PTPRD: variants seen among roughly 807,000 people sequenced by gnomAD.
PTPRD encodes receptor-type tyrosine-protein phosphatase delta.
A neutral mutation model predicts 214.5 loss-of-function variants in PTPRD; 34 were observed. The observed-to-expected ratio is 0.16, with a 90% CI of 0.12 to 0.21. PTPRD has a LOEUF of 0.21. Ranked by LOEUF, PTPRD falls within the 10% of genes least tolerant of loss-of-function variation. PTPRD has a pLI of 1.00. For missense variants in PTPRD, 2,545 were observed against 2,398.7 expected (o/e 1.06, Z -1.27); for synonymous variants, 1,128 against 845.7 (o/e 1.33, Z -5.79).
intron 11 of PTPRD, among the ~76,000 whole-genome samples, chr9:8,993,481 T>G (rs972325790): frequency 2.0e-5 from 3 of 152,178 alleles, no homozygotes; most frequent in Admixed American, 6.6e-5. Flanking sequence ...AAAATTTGTT[T>G]GTTTCTACTT....
At chr9:8,876,265 C>A (rs1162465638) in intron 11 of PTPRD, among the ~76,000 whole-genome samples, 4 of 151,778 alleles carry the variant, frequency 2.6e-5, no homozygotes, top group Non-Finnish European at 5.9e-5. Flanking sequence ...TGAGACATAG[C>A]TGTAAAAATT....
intron 39 of PTPRD, among the ~76,000 whole-genome samples, chr9:8,354,468 A>T (rs1209701855): frequency 6.6e-6 from 1 of 152,256 alleles, no homozygotes; most frequent in African/African-American, 2.4e-5. Context: ...ATGGCTATCC[A>T]CATAACTGAA....
At chr9:8,519,016 C>A (rs140639265) in intron 20 of PTPRD, among the ~76,000 whole-genome samples, 1 of 151,946 alleles carries the variant, frequency 6.6e-6, no homozygotes, top group African/African-American at 2.4e-5. Flanking sequence ...AATTAAATTG[C>A]GATGAAACAA....
At chr9:9,211,459 T>TG (rs1423225293) in intron 9 of PTPRD, among the ~76,000 whole-genome samples, 27 of 151,722 alleles carry the variant, frequency 1.8e-4, no homozygotes, top group Admixed American at 1.8e-3. Flanking sequence ...CTTTCATCAC[T>TG]GGTTTTCCTT....
intron 8 of PTPRD, among the ~76,000 whole-genome samples, chr9:9,484,828 G>A (rs1258240288): frequency 6.6e-6 from 1 of 152,024 alleles, no homozygotes; most frequent in South Asian, 2.1e-4. Context: ...TTCCTATTAG[G>A]TCTCTATATA....
chr9:9,436,798 G>A (rs1273822153), intron 8 of PTPRD, among the ~76,000 whole-genome samples: 1 of 151,846 alleles, frequency 6.6e-6, no homozygotes, highest in Non-Finnish European at 1.5e-5. Context: ...AAGCAAATCT[G>A]TACCGCAGAA....
intron 3 of PTPRD, among the ~76,000 whole-genome samples, chr9:10,063,359 T>C (rs1306582894): frequency 1.3e-5 from 2 of 152,046 alleles, no homozygotes; most frequent in Admixed American, 6.6e-5. Context: ...CAGTTGTCAA[T>C]ATCAAATTGG....
At chr9:9,515,228 G>A (rs1569568938) in intron 8 of PTPRD, among the ~76,000 whole-genome samples, 1 of 151,984 alleles carries the variant, frequency 6.6e-6, no homozygotes, top group East Asian at 1.9e-4. Context: ...ATGAGTGTCT[G>A]CCTCCGCACA....
intron 8 of PTPRD, among the ~76,000 whole-genome samples, chr9:9,522,999 G>T (rs12349324): frequency 0.024 from 3,651 of 152,130 alleles, 62 homozygotes; most frequent in Non-Finnish European, 0.039. Flanking sequence ...GTATATAGCA[G>T]AAAACAACAC....
chr9:9,339,817 C>G (rs903256708), intron 9 of PTPRD, among the ~76,000 whole-genome samples: 2 of 152,074 alleles, frequency 1.3e-5, no homozygotes, highest in African/African-American at 4.8e-5. Flanking sequence ...AGCAATGGAA[C>G]ATCATGGAAG....
intron 10 of PTPRD, among the ~76,000 whole-genome samples, chr9:9,058,029 G>C (rs641509): frequency 0.97 from 147,847 of 152,314 alleles, 71,911 homozygotes; most frequent in Middle Eastern, 1. Context: ...CTATTGTTTA[G>C]AAAGGCAATT....
chr9:10,222,728 A>G (rs2099575354), intron 3 of PTPRD, among the ~76,000 whole-genome samples: 1 of 152,068 alleles, frequency 6.6e-6, no homozygotes, highest in Non-Finnish European at 1.5e-5. Flanking sequence ...TGGTCAAATG[A>G]CTATGCAATT....
chr9:9,194,339 T>C (rs914095582), intron 9 of PTPRD, among the ~76,000 whole-genome samples: 8 of 152,224 alleles, frequency 5.3e-5, no homozygotes, highest in African/African-American at 1.9e-4. Flanking sequence ...AAGTATAGCA[T>C]AGTTAATACA....
At chr9:9,977,651 C>T (rs1306882018) in intron 4 of PTPRD, among the ~76,000 whole-genome samples, 3 of 151,878 alleles carry the variant, frequency 2.0e-5, no homozygotes, top group East Asian at 1.9e-4. Context: ...GTACGACTGA[C>T]GAGGACATAT....
chr9:9,013,815 C>T (rs1218853886), intron 11 of PTPRD, among the ~76,000 whole-genome samples: 1 of 152,132 alleles, frequency 6.6e-6, no homozygotes, highest in African/African-American at 2.4e-5. Flanking sequence ...TGGTTTAATC[C>T]TTGGAGTCCC....
chr9:9,744,066 G>A (rs1193825646), intron 6 of PTPRD, among the ~76,000 whole-genome samples: 6 of 152,092 alleles, frequency 3.9e-5, no homozygotes, highest in East Asian at 1.9e-4. Context: ...CAACTTAACA[G>A]CGTTTCTTTA....
At chr9:9,732,836 C>T (rs748889449) in intron 7 of PTPRD, among the ~76,000 whole-genome samples, 23 of 151,824 alleles carry the variant, frequency 1.5e-4, no homozygotes, top group African/African-American at 3.6e-4. Flanking sequence ...GTCGTCTCAG[C>T]GATTCTGGAG....
At chr9:8,871,290 A>G (rs7847410) in intron 11 of PTPRD, among the ~76,000 whole-genome samples, 5,817 of 152,304 alleles carry the variant, frequency 0.038, 363 homozygotes, top group African/African-American at 0.13. Flanking sequence ...TAATTGCAGT[A>G]TATTCTGTGA....
At chr9:8,805,430 T>C (rs990861676) in intron 11 of PTPRD, among the ~76,000 whole-genome samples, 3 of 152,040 alleles carry the variant, frequency 2.0e-5, no homozygotes, top group Non-Finnish European at 4.4e-5. Flanking sequence ...ATGCACATCA[T>C]CTTTATACAA....
Sources: allele counts gnomAD v4.1 joint callset (sites outside exome capture counted in the v4.1 genomes callset), GRCh38; gene constraint gnomAD v4.1.1; transcripts MANE v1.5; gene names NCBI Gene and HGNC (gene_info 2026-07-23, HGNC 2026-07-21).